The following MADD variants were observed in gnomAD, a reference collection of about 807,000 sequenced individuals.
MADD encodes MAP kinase activating death domain.
A neutral mutation model predicts 176.7 loss-of-function variants in MADD; 109 were observed. The observed-to-expected ratio is 0.62, with a 90% CI of 0.53 to 0.72. The LOEUF (loss-of-function observed/expected upper bound fraction) is 0.72. Among genes scored for constraint, MADD ranks in the 30% least tolerant of loss-of-function variants. The pLI, the probability that MADD is intolerant of heterozygous loss-of-function variation, is 0.00. For missense variants in MADD, 1,914 were observed against 2,045.5 expected (o/e 0.94, Z 1.24); for synonymous variants, 771 against 771.3 (o/e 1.00, Z 0.01).
intron 27 of MADD, among the ~76,000 whole-genome samples, chr11:47,316,181 A>G (rs951718903): frequency 6.6e-6 from 1 of 152,058 alleles, no homozygotes; most frequent in Non-Finnish European, 1.5e-5. Context: ...GCGCACACAC[A>G]TATACATAAA....
chr11:47,289,780 T>C (rs970026655), intron 16 of MADD, 87 bp from the exon 18 acceptor site: 7 of 1,456,340 alleles, frequency 4.8e-6, no homozygotes, highest in South Asian at 1.2e-5. Flanking sequence ...GTTTTACCCC[T>C]GGAGGCAGAC....
chr11:47,329,164 C>T (rs367734975), exon 33 of MADD: 46 of 1,598,496 alleles, frequency 2.9e-5, no homozygotes, highest in African/African-American at 5.4e-5. Flanking sequence ...AGAGGGGCTA[C>T]GCAGCTGCCC....
At chr11:47,318,459 G>A (rs914891921) in intron 27 of MADD, among the ~76,000 whole-genome samples, 13 of 152,164 alleles carry the variant, frequency 8.5e-5, no homozygotes, top group Admixed American at 7.2e-4. Context: ...GCCTCTCAGA[G>A]CCTAGGGCTG....
chr11:47,320,845 T>A (rs1307426182), intron 27 of MADD, among the ~76,000 whole-genome samples: 1 of 152,050 alleles, frequency 6.6e-6, no homozygotes, highest in Non-Finnish European at 1.5e-5. Flanking sequence ...TCCTTGAGCC[T>A]GGGAGGTCAA....
At chr11:47,288,831 G>C in intron 15 of MADD, 137 bp from the exon 16 acceptor site, 1 of 672,090 alleles carries the variant, frequency 1.5e-6, no homozygotes, top group Non-Finnish European at 2.6e-6. Flanking sequence ...CCAGCTCTGA[G>C]GTGCCCAAGA....
chr11:47,284,060 A>G, intron 10 of MADD, 118 bp from the exon 11 acceptor site: 2 of 716,472 alleles, frequency 2.8e-6, no homozygotes, highest in Middle Eastern at 2.5e-4. Flanking sequence ...TCTTTATTTG[A>G]TTTGTTCCCT....
intron 1 of MADD, among the ~76,000 whole-genome samples, chr11:47,271,722 A>G (rs1964106836): frequency 1.3e-5 from 2 of 149,306 alleles, no homozygotes; most frequent in Admixed American, 6.6e-5. Context: ...TCATTTCTAC[A>G]TAATTCTTTT....
At chr11:47,295,713 C>G in intron 21 of MADD, 134 bp downstream of exon 23, 1 of 1,545,990 alleles carries the variant, frequency 6.5e-7, no homozygotes, top group Non-Finnish European at 8.7e-7. Context: ...TGTTTACCAT[C>G]ATAGGTGTGT....
intron 16 of MADD, 72 bp downstream of exon 17, chr11:47,289,565 A>T (rs577608140): frequency 6.3e-6 from 8 of 1,276,852 alleles, no homozygotes; most frequent in South Asian, 4.8e-5. Context: ...AACTTTAGGG[A>T]TGCTCAAGAG....
chr11:47,286,781 C>T (rs943041680), intron 15 of MADD, among the ~76,000 whole-genome samples: 3 of 152,180 alleles, frequency 2.0e-5, no homozygotes, highest in African/African-American at 4.8e-5. Context: ...TGCTGCTTCG[C>T]GGGAGGACCC....
At chr11:47,282,499 G>T (rs769895184) in exon 9 of MADD, 2 of 1,614,092 alleles carry the variant, frequency 1.2e-6, no homozygotes, top group Non-Finnish European at 8.5e-7. Flanking sequence ...CTCCTTTCTA[G>T]CCTCACGTCC....
chr11:47,288,501 A>C (rs922636934), intron 15 of MADD, among the ~76,000 whole-genome samples: 1 of 152,216 alleles, frequency 6.6e-6, no homozygotes, highest in Non-Finnish European at 1.5e-5. Context: ...TTTGAAGAGA[A>C]GAGCGATTGA....
At chr11:47,307,201 A>G (rs963349111) in intron 22 of MADD, among the ~76,000 whole-genome samples, 7 of 151,972 alleles carry the variant, frequency 4.6e-5, no homozygotes, top group African/African-American at 1.7e-4. Context: ...GATGTGAGCT[A>G]TCATGCCTGG....
chr11:47,302,812 A>G (rs1205568580), intron 22 of MADD, among the ~76,000 whole-genome samples: 1 of 151,748 alleles, frequency 6.6e-6, no homozygotes, highest in Non-Finnish European at 1.5e-5. Context: ...TTTTCTGATT[A>G]TTTTGTATGT....
At chr11:47,272,964 G>A (rs1208321852) in intron 1 of MADD, among the ~76,000 whole-genome samples, 1 of 152,192 alleles carries the variant, frequency 6.6e-6, no homozygotes, top group African/African-American at 2.4e-5. Context: ...GAGAAAAGTG[G>A]TGCAGATTAG....
exon 11 of MADD, chr11:47,284,280 C>G: frequency 6.2e-7 from 1 of 1,613,780 alleles, no homozygotes. Flanking sequence ...GTGATACTCC[C>G]AGTAAGTGTG....
At chr11:47,276,237 G>T in intron 4 of MADD, 35 bp downstream of exon 4, 1 of 1,552,178 alleles carries the variant, frequency 6.4e-7, no homozygotes, top group Non-Finnish European at 8.7e-7. Flanking sequence ...TTCTAGGGGA[G>T]AAACTCTTAA....
chr11:47,290,677 A>G (rs372376011), exon 19 of MADD: 31 of 1,614,048 alleles, frequency 1.9e-5, no homozygotes, highest in Non-Finnish European at 2.6e-5. Context: ...ATCCTGGCCT[A>G]GCTGGGCGGG....
chr11:47,305,322 T>C (rs1173262321), intron 22 of MADD, among the ~76,000 whole-genome samples: 2 of 152,108 alleles, frequency 1.3e-5, no homozygotes, highest in Non-Finnish European at 2.9e-5. Flanking sequence ...GGTACAGATT[T>C]GCTCTCTGTG....
Sources: gnomAD v4.1 joint callset for allele counts (sites outside exome capture counted in the v4.1 genomes callset) on GRCh38, gnomAD v4.1.1 for gene constraint, MANE v1.5 for transcripts, NCBI Gene and HGNC (gene_info 2026-07-23, HGNC 2026-07-21) for gene names.